PICALM: variants seen among roughly 807,000 people sequenced by gnomAD.
PICALM encodes the protein phosphatidylinositol binding clathrin assembly protein, also known as phosphatidylinositol-binding clathrin assembly protein.
In PICALM, 40 loss-of-function variants were observed where a neutral mutation model predicts 80.5. That is an observed-to-expected ratio of 0.50 (90% CI 0.39 to 0.65). The LOEUF (loss-of-function observed/expected upper bound fraction) is 0.65. Ranked by LOEUF, PICALM falls within the 30% of genes least tolerant of loss-of-function variation. The probability of loss-of-function intolerance (pLI) is 0.00; values close to 1 mark genes in which losing one functional copy is unlikely to be tolerated. For missense variants in PICALM, 676 were observed against 778.9 expected, an observed-to-expected ratio of 0.87 and a Z score of 1.57; for synonymous variants, 288 against 260.3, an observed-to-expected ratio of 1.11 and a Z score of -1.02.
Position 86,022,439 on chromosome 11 carries a change from T to G in PICALM, c.380A>C (p.Tyr127Ser). Reference sequence around the variant, plus strand: ...TGCTTTCTCATTTAAATATCTACTATACCGCCTAATAAATGTAGACATGTC... The same window carrying G: ...TGCTTTCTCATTTAAATATCTACTAGACCGCCTAATAAATGTAGACATGTC... ...GYDMSTFIRR[Y>S]SRYLNEKAVS... Residue 127 changes from tyrosine (Y) to serine (S), a missense_variant, in exon 4 of 20, where the codon TAT becomes TCT. By Grantham distance (144) the Tyr-to-Ser change is moderately radical (BLOSUM62 -2). Transcript: ENST00000393346. 2 of 1,577,910 alleles carry G rather than the reference T, an allele frequency of 1.3e-6. No individual in the cohort carries two copies. Among genetic ancestry groups the G allele is most frequent in the Non-Finnish European group, 1.7e-6 (2 of 1,161,990 alleles).
rs2095614993 is a variant in PICALM at position 86,024,323 on chromosome 11, G to C, written c.350-1854C>G. Among the ~76,000 whole-genome samples, 4 of 151,284 alleles carry C rather than the reference G, an allele frequency of 2.6e-5. No homozygotes were observed. The South Asian group carries it at 6.2e-4, about 24-fold the overall frequency. On this transcript the variant is annotated intron_variant, in intron 3 of 19. Coordinates refer to ENST00000393346, the MANE Select transcript of PICALM (RefSeq NM_007166.4). ...GGTCTTCTAGAATGTCTGGAAGATA[G>C]GGTATTAAATTCTTTTTAAGCAATA...
intron 1 of PICALM, among the ~76,000 whole-genome samples, chr11:86,044,846 T>C (rs1372749147): frequency 6.6e-6 from 1 of 152,210 alleles, no homozygotes; most frequent in African/African-American, 2.4e-5. Context: ...GAGAATCTAA[T>C]GCCTATGATC....
chr11:86,059,032 C>A (rs984672988), intron 1 of PICALM, among the ~76,000 whole-genome samples: 5 of 152,152 alleles, frequency 3.3e-5, no homozygotes, highest in Non-Finnish European at 5.9e-5. Context: ...ACTAAATAAG[C>A]CTCTTAATGC....
intron 4 of PICALM, 45 bp downstream of exon 4, chr11:86,022,322 T>C (rs775779078): frequency 9.3e-7 from 1 of 1,074,008 alleles, no homozygotes; most frequent in South Asian, 1.4e-5. Context: ...GTTTTACATT[T>C]TTAAAAATTC....
chr11:85,974,724 G>C lies in PICALM; in HGVS notation c.1928C>G (p.Pro643Arg). ...GTGTAATACCTGTGCTCCTGATACA[G>C]GGCCAAAGGGGTTTGGAGGTCTCAT... ...PVMRPPNPFG[P>R]VSGAQIQFM The change falls in exon 19 of 20, where the codon CCT becomes CGT. Residue 643 changes from proline (P) to arginine (R), a missense_variant. Physicochemically the swap from Pro to Arg is moderately radical, Grantham distance 103 (BLOSUM62 -2). Around this residue, in one of 2 missense-constraint regions of PICALM, gnomAD observed 391 missense variants for 383.6 expected, o/e 1.02. Coordinates refer to ENST00000393346, the MANE Select transcript of PICALM (RefSeq NM_007166.4). 6.2e-7 allele frequency: 1 copy of C among 1,610,080 alleles called. No individual in the cohort carries two copies. The highest frequency in any genetic ancestry group is 1.3e-5 in the African/African-American group (1 of 74,940).
At chr11:86,025,209 G>T (rs1249442350) in intron 3 of PICALM, among the ~76,000 whole-genome samples, 2 of 152,134 alleles carry the variant, frequency 1.3e-5, no homozygotes, top group Non-Finnish European at 2.9e-5. Context: ...AGACCATCCT[G>T]GCCAACATGG....
intron 19 of PICALM, among the ~76,000 whole-genome samples, chr11:85,969,439 T>C (rs2094024519): frequency 1.3e-5 from 2 of 152,238 alleles, no homozygotes. Context: ...ATTTTTCATT[T>C]AAACTACCAT....
At chr11:86,045,360 G>A (rs1486311237) in intron 1 of PICALM, among the ~76,000 whole-genome samples, 1 of 151,050 alleles carries the variant, frequency 6.6e-6, no homozygotes, top group Non-Finnish European at 1.5e-5. Context: ...TTCCTAGAAG[G>A]GTACAGTGGT....
At chr11:86,063,285 G>C (rs952524734) in intron 1 of PICALM, among the ~76,000 whole-genome samples, 7 of 152,086 alleles carry the variant, frequency 4.6e-5, no homozygotes, top group Admixed American at 3.3e-4. Context: ...ATCTTATGAA[G>C]TGTTTCACTT....
chr11:86,058,906 T>G (rs1218395037), intron 1 of PICALM, among the ~76,000 whole-genome samples: 1 of 152,212 alleles, frequency 6.6e-6, no homozygotes, highest in Non-Finnish European at 1.5e-5. Flanking sequence ...ATTACATTCC[T>G]AATTTCAAGA....
chr11:85,971,193 A>G (rs1004047760), intron 19 of PICALM, among the ~76,000 whole-genome samples: 3 of 152,206 alleles, frequency 2.0e-5, no homozygotes, highest in African/African-American at 7.2e-5. Context: ...TTATTTTCCT[A>G]GTTATCAATT....
At chr11:85,978,891 A>G (rs1362598136) in intron 17 of PICALM, among the ~76,000 whole-genome samples, 1 of 152,224 alleles carries the variant, frequency 6.6e-6, no homozygotes, top group Non-Finnish European at 1.5e-5. Flanking sequence ...ACTGGTATTT[A>G]TATCATTCCT....
chr11:86,061,999 A>C (rs1236495978), intron 1 of PICALM, among the ~76,000 whole-genome samples: 4 of 152,248 alleles, frequency 2.6e-5, no homozygotes, highest in Non-Finnish European at 1.5e-5. Flanking sequence ...TACGTGAAAA[A>C]AGAAAATCTG....
chr11:86,039,689 G>C (rs1289304615), intron 1 of PICALM, among the ~76,000 whole-genome samples: 1 of 152,100 alleles, frequency 6.6e-6, no homozygotes, highest in East Asian at 1.9e-4. Flanking sequence ...AAGTATTCCT[G>C]GGAATATATA....
At chr11:86,022,286 A>T (rs921074165) in intron 4 of PICALM, 81 bp downstream of exon 4, 5 of 767,460 alleles carry the variant, frequency 6.5e-6, no homozygotes, top group Non-Finnish European at 1.1e-5. Flanking sequence ...CTAAAATTTC[A>T]TAATTCATAA....
At chr11:86,000,458 T>C (rs911668033) in intron 11 of PICALM, among the ~76,000 whole-genome samples, 185 bp downstream of exon 11, 4 of 152,210 alleles carry the variant, frequency 2.6e-5, no homozygotes, top group African/African-American at 9.6e-5. Context: ...ATTTCGTAAA[T>C]ACGTAAAATA....
intron 17 of PICALM, chr11:85,976,899 A>G (rs2094300798): frequency 2.4e-6 from 1 of 425,386 alleles, no homozygotes; most frequent in Non-Finnish European, 4.3e-6. Context: ...TAACTATACC[A>G]CTTAAACTTA....
intron 13 of PICALM, among the ~76,000 whole-genome samples, chr11:85,985,950 G>C (rs1163922647): frequency 6.6e-6 from 1 of 152,048 alleles, no homozygotes; most frequent in African/African-American, 2.4e-5. Flanking sequence ...TAGTCACACA[G>C]AAATTACTTC....
intron 1 of PICALM, among the ~76,000 whole-genome samples, chr11:86,059,720 A>C (rs537158378): frequency 1.3e-5 from 2 of 152,266 alleles, no homozygotes; most frequent in South Asian, 4.1e-4. Flanking sequence ...CATGATCATG[A>C]CACTACACTC....
Sources: allele counts gnomAD v4.1 joint callset (sites outside exome capture counted in the v4.1 genomes callset), GRCh38; gene constraint gnomAD v4.1.1; regional missense constraint gnomAD v4.1.1; transcripts MANE v1.5; gene names NCBI Gene and HGNC (gene_info 2026-07-23, HGNC 2026-07-21).